Variants in PCDH15 observed in about 807,000 individuals in gnomAD.
PCDH15 encodes the protein protocadherin-15.
A neutral mutation model predicts 178.5 loss-of-function variants in PCDH15; 129 were observed. The ratio of observed to expected loss-of-function variants is 0.72; its 90% CI spans 0.63 to 0.84. PCDH15 has a LOEUF of 0.84. Among genes scored for constraint, PCDH15 ranks in the 40% least tolerant of loss-of-function variants. The pLI, the probability that PCDH15 is intolerant of heterozygous loss-of-function variation, is 0.00. For missense variants in PCDH15, 2,230 were observed against 2,099.9 expected, an observed-to-expected ratio of 1.06 and a Z score of -1.21; for synonymous variants, 800 against 732.0, an observed-to-expected ratio of 1.09 and a Z score of -1.50.
At chr10:55,209,321 A>G (rs1193518471) in intron 1 of PCDH15, among the ~76,000 whole-genome samples, 2 of 152,180 alleles carry the variant, frequency 1.3e-5, no homozygotes, top group African/African-American at 4.8e-5. Flanking sequence ...CAATGAAAAG[A>G]CATCAGATGA....
At chr10:54,401,313 A>G (rs1370787048) in intron 3 of PCDH15, among the ~76,000 whole-genome samples, 4 of 151,768 alleles carry the variant, frequency 2.6e-5, no homozygotes, top group Admixed American at 1.3e-4. Context: ...TGACTTTTGG[A>G]AAAAAAATGA....
intron 23 of PCDH15, among the ~76,000 whole-genome samples, chr10:53,948,090 A>G (rs1291779508): frequency 1.3e-5 from 2 of 152,118 alleles, no homozygotes; most frequent in Non-Finnish European, 2.9e-5. Flanking sequence ...TTACTTTACT[A>G]TGGGTATGAA....
At chr10:54,144,478 C>G (rs1015437051) in intron 14 of PCDH15, among the ~76,000 whole-genome samples, 6 of 152,232 alleles carry the variant, frequency 3.9e-5, no homozygotes, top group African/African-American at 1.4e-4. Context: ...AGATGCTAGA[C>G]CCCTCATTCA....
chr10:54,226,887 T>C (rs767952994), intron 9 of PCDH15, among the ~76,000 whole-genome samples: 2 of 152,194 alleles, frequency 1.3e-5, no homozygotes, highest in Non-Finnish European at 2.9e-5. Flanking sequence ...CTTAAAGCTC[T>C]GAAATGATCT....
intron 1 of PCDH15, among the ~76,000 whole-genome samples, chr10:54,673,315 T>C (rs1164686621): frequency 6.6e-6 from 1 of 152,024 alleles, no homozygotes; most frequent in Non-Finnish European, 1.5e-5. Context: ...CGAGTGAGAA[T>C]ATGCGGTGCT....
chr10:55,335,266 T>A (rs1274253146), intron 2 of PCDH15, among the ~76,000 whole-genome samples: 1 of 152,062 alleles, frequency 6.6e-6, no homozygotes, highest in African/African-American at 2.4e-5. Context: ...GATGGAGATA[T>A]GGAGAGCCTG....
At chr10:54,385,652 A>T (rs1949830058) in intron 3 of PCDH15, among the ~76,000 whole-genome samples, 1 of 152,350 alleles carries the variant, frequency 6.6e-6, no homozygotes, top group Admixed American at 6.5e-5. Flanking sequence ...AGGTTAATCC[A>T]GCCAAACAAA....
intron 3 of PCDH15, among the ~76,000 whole-genome samples, chr10:54,526,256 C>A (rs1306096810): frequency 6.6e-6 from 1 of 152,172 alleles, no homozygotes; most frequent in African/African-American, 2.4e-5. Context: ...TCTATCTATA[C>A]AGAATCACAC....
At chr10:54,796,022 C>T (rs1951918055) in intron 1 of PCDH15, among the ~76,000 whole-genome samples, 1 of 151,876 alleles carries the variant, frequency 6.6e-6, no homozygotes, top group South Asian at 2.1e-4. Context: ...AGTTAAACAA[C>T]TTGATCCTTG....
chr10:54,150,414 G>A (rs113485545), intron 14 of PCDH15, among the ~76,000 whole-genome samples: 13 of 151,942 alleles, frequency 8.6e-5, no homozygotes, highest in African/African-American at 2.2e-4. Context: ...GTTTGATCTC[G>A]TAAGATTCTT....
chr10:54,934,559 C>A (rs575275238), intron 2 of PCDH15, among the ~76,000 whole-genome samples: 334 of 151,792 alleles, frequency 2.2e-3, no homozygotes, highest in African/African-American at 6.7e-3. Flanking sequence ...GAATGGCGAT[C>A]ATTAAAAAGT....
chr10:54,812,094 T>C (rs1952872607), intron 3 of PCDH15, among the ~76,000 whole-genome samples: 1 of 152,074 alleles, frequency 6.6e-6, no homozygotes, highest in Admixed American at 6.6e-5. Context: ...ACATAAATGA[T>C]GAAAATATGA....
chr10:55,092,048 T>C (rs955243352), intron 2 of PCDH15, among the ~76,000 whole-genome samples: 8 of 151,926 alleles, frequency 5.3e-5, no homozygotes, highest in African/African-American at 1.9e-4. Context: ...TCTATTCTAA[T>C]ATGGCTCATA....
intron 2 of PCDH15, among the ~76,000 whole-genome samples, chr10:54,898,845 T>C (rs1344709526): frequency 6.6e-6 from 1 of 152,082 alleles, no homozygotes; most frequent in Admixed American, 6.6e-5. Flanking sequence ...AATACAAAAC[T>C]GGTAAATTAA....
chr10:54,050,343 T>G (rs901022283), intron 18 of PCDH15, among the ~76,000 whole-genome samples: 2 of 152,216 alleles, frequency 1.3e-5, no homozygotes, highest in Admixed American at 1.3e-4. Flanking sequence ...CTAGTTTGTG[T>G]GCATAGATGT....
chr10:54,522,979 C>G (rs1343982225), intron 3 of PCDH15, among the ~76,000 whole-genome samples: 2 of 152,178 alleles, frequency 1.3e-5, no homozygotes, highest in African/African-American at 4.8e-5. Context: ...CACTCTCAAC[C>G]ACACCCAGGT....
intron 2 of PCDH15, among the ~76,000 whole-genome samples, chr10:55,084,771 A>C (rs1184141300): frequency 1.3e-5 from 2 of 152,074 alleles, no homozygotes; most frequent in Admixed American, 1.3e-4. Flanking sequence ...TAAAGATCTG[A>C]ATAGATATTT....
chr10:54,488,652 T>C (rs1220012237), intron 3 of PCDH15, among the ~76,000 whole-genome samples: 1 of 151,950 alleles, frequency 6.6e-6, no homozygotes, highest in Non-Finnish European at 1.5e-5. Context: ...AGAAAGATAA[T>C]GCACTTTTGT....
intron 1 of PCDH15, among the ~76,000 whole-genome samples, chr10:54,704,578 G>T (rs139989032): frequency 6.6e-6 from 1 of 152,134 alleles, no homozygotes; most frequent in East Asian, 1.9e-4. Flanking sequence ...TGTGAAAAAC[G>T]CTCATTATCA....
Sources: allele counts gnomAD v4.1 joint callset (sites outside exome capture counted in the v4.1 genomes callset), GRCh38; gene constraint gnomAD v4.1.1; transcripts MANE v1.5; gene names NCBI Gene and HGNC (gene_info 2026-07-23, HGNC 2026-07-21).